The following DCC variants were observed in gnomAD, a reference collection of about 807,000 sequenced individuals.
The protein encoded by DCC is DCC netrin 1 receptor.
DCC carries 58 observed loss-of-function variants against 172.5 expected under a neutral mutation model. The ratio of observed to expected loss-of-function variants is 0.34; its 90% CI spans 0.27 to 0.42. DCC has a LOEUF of 0.42. Ranked by LOEUF, DCC falls within the 10% of genes least tolerant of loss-of-function variation. The pLI, the probability that DCC is intolerant of heterozygous loss-of-function variation, is 1.00. For synonymous variants in DCC, 709 were observed against 644.5 expected, an observed-to-expected ratio of 1.10 and a Z score of -1.52; for missense variants, 1,740 against 1,791.0, an observed-to-expected ratio of 0.97 and a Z score of 0.51.
At chr18:52,854,690 G>A (rs185915040) in intron 2 of DCC, among the ~76,000 whole-genome samples, 11 of 152,242 alleles carry the variant, frequency 7.2e-5, no homozygotes, top group South Asian at 2.1e-4. Flanking sequence ...AAATAGAATC[G>A]CCTTGTAAGC....
intron 22 of DCC, among the ~76,000 whole-genome samples, chr18:53,449,922 A>G (rs548823467): frequency 6.6e-6 from 1 of 152,046 alleles, no homozygotes; most frequent in Non-Finnish European, 1.5e-5. Context: ...CTTTCCATCC[A>G]CTGGAAAACA....
At chr18:52,708,026 G>A (rs1421899217) in intron 1 of DCC, among the ~76,000 whole-genome samples, 1 of 152,192 alleles carries the variant, frequency 6.6e-6, no homozygotes, top group Non-Finnish European at 1.5e-5. Context: ...CAAAAAATCA[G>A]TATGTGAAGT....
intron 25 of DCC, among the ~76,000 whole-genome samples, chr18:53,472,073 A>G (rs540993455): frequency 3.9e-5 from 6 of 152,252 alleles, no homozygotes; most frequent in Non-Finnish European, 7.4e-5. Context: ...TTTACTTACC[A>G]TATGCCACAT....
At chr18:53,415,680 G>C (rs1910271466) in intron 20 of DCC, among the ~76,000 whole-genome samples, 2 of 152,032 alleles carry the variant, frequency 1.3e-5, no homozygotes. Context: ...CCATATTTAT[G>C]GTTGCCAATT....
At chr18:53,146,671 A>T (rs932483608) in intron 7 of DCC, among the ~76,000 whole-genome samples, 3 of 152,236 alleles carry the variant, frequency 2.0e-5, no homozygotes, top group Non-Finnish European at 4.4e-5. Flanking sequence ...TTCAAGAAAA[A>T]AAAGGTCACT....
chr18:52,641,743 G>A (rs745459400), intron 1 of DCC, among the ~76,000 whole-genome samples: 10 of 151,750 alleles, frequency 6.6e-5, no homozygotes, highest in Non-Finnish European at 1.3e-4. Context: ...TGTGGTGAAC[G>A]GGAATACTTC....
Position 53,486,898 on chromosome 18 carries a change from C to T in DCC, c.3838C>T (p.Arg1280Trp), listed in dbSNP as rs747698662. 4.3e-6 allele frequency: 7 copies of T among 1,614,066 alleles called. No individual in the cohort carries two copies. The highest frequency in any genetic ancestry group is 1.1e-5 in the South Asian group (1 of 91,090). ...CGYPHPQFTL[R>W]PVPFPTLSVD... Reference sequence around the variant, plus strand: ...ATATCCCCACCCGCAGTTCACTCTCCGGCCTGTGCCATTCCCAACACTCTC... The same window carrying T: ...ATATCCCCACCCGCAGTTCACTCTCTGGCCTGTGCCATTCCCAACACTCTC... The change falls in exon 26 of 29, where the codon CGG (arginine) becomes TGG (tryptophan). Residue 1280 changes from arginine (R) to tryptophan (W), a missense_variant. Physicochemically the swap from Arg to Trp is moderately radical, Grantham distance 101. This residue lies in a region of DCC where 1,732 missense variants were observed against 1,767.4 expected (regional missense o/e 0.98). Transcript: ENST00000442544.
intron 5 of DCC, among the ~76,000 whole-genome samples, chr18:52,966,353 G>C (rs970379382): frequency 6.6e-6 from 1 of 152,136 alleles, no homozygotes; most frequent in African/African-American, 2.4e-5. Flanking sequence ...TTTTTGTACT[G>C]TTTTTGAATT....
rs563223767 is a variant in DCC at position 52,797,918 on chromosome 18, C to G, written c.412+45544C>G. ...AAACACATGTGGGCAATAGCAGTTG[C>G]AGTGGTGTGTGAGGCAGGCCTGTTC... On this transcript the variant is annotated intron_variant, in intron 2 of 28. Coordinates refer to ENST00000442544, the MANE Select transcript of DCC (RefSeq NM_005215.4). Among the ~76,000 whole-genome samples, 6 of 152,102 alleles carry G rather than the reference C, an allele frequency of 3.9e-5. No individual in the cohort carries two copies. The East Asian group carries it at 1.2e-3, about 30-fold the overall frequency.
chr18:53,091,297 A>G (rs897380788), intron 7 of DCC, among the ~76,000 whole-genome samples: 1 of 146,136 alleles, frequency 6.8e-6, no homozygotes, highest in East Asian at 2.3e-4. Flanking sequence ...ATAACATGAA[A>G]AGAAATATTT....
chr18:53,061,644 A>G (rs997656403), intron 5 of DCC, among the ~76,000 whole-genome samples: 2 of 152,138 alleles, frequency 1.3e-5, no homozygotes, highest in African/African-American at 4.8e-5. Flanking sequence ...TTCTGCCAGA[A>G]GTTTCAAGTG....
In DCC at chr18:53,351,367, C is replaced by CAG. The variant is rs1568074911; in HGVS notation, c.2359+11460_2359+11461insAG. 2.7e-4 allele frequency among the ~76,000 whole-genome samples: 9 copies of CAG among 32,988 alleles called. 1 individual carries two copies. The highest frequency in any genetic ancestry group is 4.5e-4 in the Admixed American group (1 of 2,202). 21.6% of individuals were successfully genotyped at this position (32,988 alleles called of 152,430 possible). A position where few individuals can be genotyped will look rare whatever the true frequency, so the allele number is the denominator to read the frequency against. ...TATATATACACAGTATATATATATA[C>CAG]TGTATATATATATACAGTATATATA... is the stretch of plus-strand genomic sequence containing the variant. On this transcript the variant is annotated intron_variant, in intron 15 of 28. Coordinates refer to ENST00000442544, the MANE Select transcript of DCC (RefSeq NM_005215.4).
chr18:53,287,897 TG>T (rs1314314097), intron 12 of DCC, among the ~76,000 whole-genome samples: 1 of 152,198 alleles, frequency 6.6e-6, no homozygotes, highest in East Asian at 1.9e-4. Flanking sequence ...TTGAGGTCAC[TG>T]ATTCTTAAAA....
intron 21 of DCC, among the ~76,000 whole-genome samples, chr18:53,428,892 A>T (rs1279797318): frequency 1.9e-5 from 1 of 52,616 alleles, no homozygotes; most frequent in Non-Finnish European, 3.5e-5. Flanking sequence ...ATTATATATT[A>T]TATATTTTAT....
At chr18:53,130,083 T>C (rs1426700031) in intron 7 of DCC, among the ~76,000 whole-genome samples, 2 of 152,184 alleles carry the variant, frequency 1.3e-5, no homozygotes, top group Non-Finnish European at 2.9e-5. Flanking sequence ...GGTTCCTTTT[T>C]ACTTTTTGCT....
intron 5 of DCC, among the ~76,000 whole-genome samples, chr18:52,953,946 T>C (rs1472917896): frequency 1.3e-5 from 2 of 152,334 alleles, no homozygotes; most frequent in Non-Finnish European, 2.9e-5. Context: ...TAAAACACCA[T>C]GGTGATGTTA....
chr18:52,739,629 TAA>T (rs1288591534), intron 1 of DCC, among the ~76,000 whole-genome samples: 1 of 152,192 alleles, frequency 6.6e-6, no homozygotes, highest in Non-Finnish European at 1.5e-5. Flanking sequence ...TTACATTTTG[TAA>T]AAGAGGAACC....
chr18:52,434,597 T>C (rs777670946), intron 1 of DCC, among the ~76,000 whole-genome samples: 3 of 152,194 alleles, frequency 2.0e-5, no homozygotes, highest in Admixed American at 6.5e-5. Context: ...CTTTTGCTTA[T>C]GTGTCAATGC....
intron 8 of DCC, among the ~76,000 whole-genome samples, chr18:53,170,972 G>A (rs999778471): frequency 2.6e-5 from 4 of 152,096 alleles, no homozygotes; most frequent in African/African-American, 9.7e-5. Flanking sequence ...GGCAACTTCT[G>A]CCTCCAGGCT....
Sources: allele counts gnomAD v4.1 joint callset (sites outside exome capture counted in the v4.1 genomes callset), GRCh38; gene constraint gnomAD v4.1.1; regional missense constraint gnomAD v4.1.1; transcripts MANE v1.5; gene names NCBI Gene and HGNC (gene_info 2026-07-23, HGNC 2026-07-21).